Variants in MCF2L observed in about 807,000 individuals in gnomAD.
MCF2L encodes the protein MCF.2 cell line derived transforming sequence like, also known as guanine nucleotide exchange factor DBS.
MCF2L carries 97 observed loss-of-function variants against 153.4 expected under a neutral mutation model. That is an observed-to-expected ratio of 0.63 (90% CI 0.54 to 0.75). MCF2L has a LOEUF of 0.75. Among genes scored for constraint, MCF2L ranks in the 30% least tolerant of loss-of-function variants. The probability of loss-of-function intolerance (pLI) is 0.00; values close to 1 mark genes in which losing one functional copy is unlikely to be tolerated. For synonymous variants in MCF2L, 659 were observed against 632.2 expected (o/e 1.04, Z -0.64); for missense variants, 1,347 against 1,495.2 (o/e 0.90, Z 1.64).
chr13:113,033,319 T>C (rs796766835), intron 3 of MCF2L, among the ~76,000 whole-genome samples: 2,219 of 14,154 alleles, frequency 0.16, 153 homozygotes, highest in East Asian at 0.27. Flanking sequence ...GAGTGGCCCC[T>C]GTGGCGTGAG....
chr13:112,990,154 A>G (rs1202897085), intron 1 of MCF2L, among the ~76,000 whole-genome samples: 3 of 152,146 alleles, frequency 2.0e-5, no homozygotes, highest in African/African-American at 7.2e-5. Flanking sequence ...GGGCTTGCAG[A>G]CCCCTGTGTT....
intron 2 of MCF2L, among the ~76,000 whole-genome samples, chr13:112,962,222 CACTT>C (rs67053141): frequency 0.65 from 97,734 of 151,118 alleles, 31,997 homozygotes; most frequent in Non-Finnish European, 0.7. Context: ...CACACAGTCA[CACTT>C]ACACATGCAC....
intron 16 of MCF2L, 113 bp downstream of exon 16, chr13:113,081,392 T>A: frequency 1.9e-6 from 2 of 1,061,278 alleles, no homozygotes; most frequent in East Asian, 2.7e-5. Flanking sequence ...CAAATGCATG[T>A]GAGAGAGCGC....
chr13:113,017,251 G>A (rs2084588658), intron 2 of MCF2L, among the ~76,000 whole-genome samples: 1 of 152,216 alleles, frequency 6.6e-6, no homozygotes, highest in South Asian at 2.1e-4. Context: ...GCCATGCACT[G>A]GGGGACCGAA....
At chr13:113,090,904 C>T (rs561951829) in intron 26 of MCF2L, 21 of 1,180,736 alleles carry the variant, frequency 1.8e-5, no homozygotes, top group East Asian at 6.0e-5. Flanking sequence ...CTCTGAGTGC[C>T]GCAGCCCCCA....
chr13:113,095,148 A>AT, intron 27 of MCF2L: 1 of 1,292,292 alleles, frequency 7.7e-7, no homozygotes, highest in Non-Finnish European at 1.0e-6. Flanking sequence ...TTGAAAAAAC[A>AT]TTCATTGTTA....
intron 11 of MCF2L, 30 bp from the exon 12 acceptor site, chr13:113,075,936 C>A: frequency 6.4e-7 from 1 of 1,566,020 alleles, no homozygotes; most frequent in Non-Finnish European, 8.7e-7. Context: ...CTCACGGCGT[C>A]CTGCCCTCGG....
chr13:113,055,380 C>CT (rs397794280), intron 4 of MCF2L, among the ~76,000 whole-genome samples: 1 of 46,782 alleles, frequency 2.1e-5, no homozygotes. Context: ...CCCCCCCCCC[C>CT]GCCACACACA....
At position 113,011,671 on chromosome 13, in the gene MCF2L, C is replaced by T. The variant is rs1312440036; in HGVS notation, c.80-3092C>T. Among the ~76,000 whole-genome samples, 2 of 75,528 alleles carry T rather than the reference C, an allele frequency of 2.6e-5. 1 individual carries two copies. Among genetic ancestry groups the T allele is most frequent in the Non-Finnish European group, 6.0e-5 (2 of 33,338 alleles). The allele number at this position is 75,528 out of a possible 152,430, so 49.5% of individuals were successfully genotyped here. A position where few individuals can be genotyped will look rare whatever the true frequency, so the allele number is the denominator to read the frequency against. ...AGTGTGGACGGTGGACACTGTGATGCAGACGGTGGACAGGCGGTGTGGACG... is the reference window on the plus strand; with the variant it reads ...AGTGTGGACGGTGGACACTGTGATGTAGACGGTGGACAGGCGGTGTGGACG... On this transcript the variant is annotated intron_variant, in intron 1 of 29. Transcript: ENST00000535094.
chr13:112,916,176 C>G lies in MCF2L; in HGVS notation c.169+13805C>G, dbSNP rs377699955. ...TGAGCTGAGATTGCGCCACTATACT[C>G]TAGCCTGGGGACAGGGCCTCTGATT... On this transcript the variant is annotated intron_variant, in intron 2 of 29. Transcript: ENST00000375608. 2.0e-4 allele frequency among the ~76,000 whole-genome samples: 31 copies of G among 152,326 alleles called. 1 individual carries two copies. Among genetic ancestry groups the G allele is most frequent in the African/African-American group, 7.0e-4 (29 of 41,550 alleles).
intron 22 of MCF2L, 105 bp from the exon 23 acceptor site, chr13:113,087,602 A>G: frequency 8.5e-7 from 1 of 1,170,474 alleles, no homozygotes. Context: ...CTTAGCCCTC[A>G]CCCCCAAAGT....
Position 113,078,343 on chromosome 13 carries a change from G to T in MCF2L, c.1661-20G>T, listed in dbSNP as rs200455650. On this transcript the variant is annotated intron_variant, in intron 13 of 29. Transcript: ENST00000535094. ...AGGGTCAGAGGGGACTTCATGCCCC[G>T]CTCCCCTTCTTCCCAACAGGCATTC... 5.0e-6 allele frequency: 8 copies of T among 1,603,192 alleles called. No individual in the cohort carries two copies. The highest frequency in any genetic ancestry group is 6.8e-6 in the Non-Finnish European group (8 of 1,171,076).
chr13:113,077,340 C>A, intron 13 of MCF2L, 129 bp downstream of exon 13: 1 of 1,119,060 alleles, frequency 8.9e-7, no homozygotes, highest in Non-Finnish European at 1.2e-6. Flanking sequence ...CCTTCCACCT[C>A]CGGGCCCCAG....
chr13:112,994,349 C>T (rs1281587339), intron 1 of MCF2L, among the ~76,000 whole-genome samples: 2 of 148,514 alleles, frequency 1.3e-5, no homozygotes, highest in East Asian at 2.0e-4. Context: ...CGGGCGGGGG[C>T]CAGTGTGGCT....
At chr13:112,946,648 C>T (rs1326082704) in intron 2 of MCF2L, among the ~76,000 whole-genome samples, 1 of 152,206 alleles carries the variant, frequency 6.6e-6, no homozygotes. Context: ...ACCTAACACT[C>T]CTTGTTGTCT....
At chr13:113,036,611 G>GA (rs1022672151) in intron 3 of MCF2L, among the ~76,000 whole-genome samples, 1 of 152,248 alleles carries the variant, frequency 6.6e-6, no homozygotes, top group African/African-American at 2.4e-5. Context: ...CCCACAGAAG[G>GA]ACGCGCTGTC....
Position 113,035,582 on chromosome 13 carries a change from T to C in MCF2L, c.279-9689T>C, listed in dbSNP as rs1473034175. The stretch of plus-strand genomic sequence containing the variant: ...CTTCGCCTGCTGCCTTTTTCTTCCA[T>C]GAGGATGCGGTTCCCGTGTCCCCCA... On this transcript the variant is annotated intron_variant, in intron 3 of 29. Transcript: ENST00000535094. This position sits in a 1 kb window ranked among gnomAD's most constrained non-coding sequence, Gnocchi z 4.4. 1.3e-5 allele frequency among the ~76,000 whole-genome samples: 2 copies of C among 152,158 alleles called. No homozygotes were observed. Among genetic ancestry groups the C allele is most frequent in the Admixed American group, 1.3e-4 (2 of 15,274 alleles).
At chr13:112,958,253 C>T (rs1307466046) in intron 2 of MCF2L, 2 of 152,248 alleles carry the variant, frequency 1.3e-5, no homozygotes, top group African/African-American at 2.4e-5. Flanking sequence ...CATGGGCTGG[C>T]TTATGTAATT....
chr13:113,074,628 A>G lies in MCF2L; in HGVS notation c.1116+65A>G, dbSNP rs2033262017. 1.3e-6 allele frequency: 2 copies of G among 1,591,838 alleles called. No individual in the cohort carries two copies. Among genetic ancestry groups the G allele is most frequent in the Admixed American group, 3.4e-5 (2 of 59,608 alleles). ...GCAGCATCATCAAGTGCTGCTCAGG[A>G]AGGCGCAGGAATGGGCCTCCCGCCT... On this transcript the variant is annotated intron_variant, in intron 10 of 29. Transcript: ENST00000535094. The surrounding 1 kb of genome is among the most constrained non-coding windows in gnomAD (Gnocchi z 4.2).
Sources: allele counts gnomAD v4.1 joint callset (sites outside exome capture counted in the v4.1 genomes callset), GRCh38; gene constraint gnomAD v4.1.1; non-coding constraint Gnocchi (gnomAD v3.1); transcripts MANE v1.5; gene names NCBI Gene and HGNC (gene_info 2026-07-23, HGNC 2026-07-21).